Variants in CHSY3 observed in about 807,000 individuals in gnomAD.
The protein encoded by CHSY3 is chondroitin sulfate synthase 3.
CHSY3 carries 35 observed loss-of-function variants against 67.2 expected under a neutral mutation model. That is an observed-to-expected ratio of 0.52 (90% CI 0.40 to 0.69). The LOEUF is 0.69. Among genes scored for constraint, CHSY3 ranks in the 30% least tolerant of loss-of-function variants. CHSY3 has a pLI of 0.00. For missense variants in CHSY3, 1,069 were observed against 1,138.5 expected (o/e 0.94, Z 0.88); for synonymous variants, 474 against 434.7 (o/e 1.09, Z -1.12).
chr5:129,963,938 G>A lies in CHSY3; in HGVS notation c.1086+55578G>A, dbSNP rs568141717. Among the ~76,000 whole-genome samples the A allele has an allele frequency of 4.0e-4, 61 of 151,980 alleles. 2 individuals are homozygous for A. In the South Asian group the frequency reaches 0.013, roughly 32 times the overall value. On this transcript the variant is annotated intron_variant, in intron 2 of 2. Coordinates refer to ENST00000305031, the MANE Select transcript of CHSY3 (RefSeq NM_175856.5). ...TATGTATGTATATCTGTATGTGTGT[G>A]CACATGTCCTGTAATTCACTTGGGA...
At chr5:130,067,239 A>G (rs1165852482) in intron 2 of CHSY3, among the ~76,000 whole-genome samples, 1 of 152,112 alleles carries the variant, frequency 6.6e-6, no homozygotes, top group Non-Finnish European at 1.5e-5. Flanking sequence ...CCTTGTATGT[A>G]CTACAATCAT....
intron 2 of CHSY3, among the ~76,000 whole-genome samples, chr5:130,033,859 A>T (rs546858202): frequency 6.6e-6 from 1 of 152,318 alleles, no homozygotes; most frequent in South Asian, 2.1e-4. Flanking sequence ...AAATCAAGAG[A>T]GTAAATAAAA....
chr5:130,182,564 T>A (rs1196602293), intron 2 of CHSY3, among the ~76,000 whole-genome samples: 1 of 152,122 alleles, frequency 6.6e-6, no homozygotes, highest in Non-Finnish European at 1.5e-5. Context: ...AATCTTCACA[T>A]ACCCAAAAGT....
chr5:130,001,377 C>A, intron 2 of CHSY3: 1 of 894,378 alleles, frequency 1.1e-6, no homozygotes, highest in Non-Finnish European at 1.3e-6. Flanking sequence ...CTTCCTCCTA[C>A]TCTTCTTCTC....
At chr5:130,020,605 T>C (rs1764363130) in intron 2 of CHSY3, among the ~76,000 whole-genome samples, 1 of 128,758 alleles carries the variant, frequency 7.8e-6, no homozygotes, top group Non-Finnish European at 1.7e-5. Context: ...TTCAGGACCA[T>C]GTGTATCTGA....
chr5:129,929,398 G>A (rs1761225055), intron 2 of CHSY3, among the ~76,000 whole-genome samples: 1 of 152,150 alleles, frequency 6.6e-6, no homozygotes, highest in Non-Finnish European at 1.5e-5. Context: ...TAAAAATATA[G>A]GCTGTCAGTT....
chr5:129,941,667 A>G (rs1389420879), intron 2 of CHSY3, among the ~76,000 whole-genome samples: 3 of 152,174 alleles, frequency 2.0e-5, no homozygotes, highest in Non-Finnish European at 4.4e-5. Context: ...CTAATCTCAT[A>G]CTACCGCAAC....
chr5:130,123,088 C>T (rs79555016), intron 2 of CHSY3, among the ~76,000 whole-genome samples: 2 of 145,548 alleles, frequency 1.4e-5, no homozygotes, highest in African/African-American at 5.1e-5. Flanking sequence ...AAAAAAAAAA[C>T]GCAAGTTAAA....
At chr5:130,082,512 C>T (rs1465013876) in intron 2 of CHSY3, among the ~76,000 whole-genome samples, 1 of 152,002 alleles carries the variant, frequency 6.6e-6, no homozygotes, top group Non-Finnish European at 1.5e-5. Flanking sequence ...ACGATGTAAG[C>T]ACGGAATTAA....
rs536704217 is a variant in CHSY3 at position 130,095,122 on chromosome 5, G to A, written c.1087-89107G>A. ...TATGTATACATATACACACATAGAG[G>A]AATAGAAATAGACACAGAAATATAG... On this transcript the variant is annotated intron_variant, in intron 2 of 2. Transcript: ENST00000305031. Among the ~76,000 whole-genome samples the A allele has an allele frequency of 3.3e-5, 5 of 152,066 alleles. No individual in the cohort carries two copies. The East Asian group carries it at 9.7e-4, about 29-fold the overall frequency.
At chr5:129,933,883 T>C (rs1761404236) in intron 2 of CHSY3, among the ~76,000 whole-genome samples, 1 of 152,168 alleles carries the variant, frequency 6.6e-6, no homozygotes, top group South Asian at 2.1e-4. Flanking sequence ...GATAGTAATT[T>C]TGAAACTCTT....
Position 130,126,500 on chromosome 5 carries a change from G to T in CHSY3, c.1087-57729G>T, listed in dbSNP as rs143068968. ...TGTCTTTTTTTCTCTGCATTGATAA[G>T]ATTGGCTTGTAATTTTGTTATGGTA... On this transcript the variant is annotated intron_variant, in intron 2 of 2. Coordinates refer to ENST00000305031, the MANE Select transcript of CHSY3 (RefSeq NM_175856.5). Among the ~76,000 whole-genome samples, 305 of 152,144 alleles carry T rather than the reference G, an allele frequency of 2.0e-3. 1 individual carries two copies. Among genetic ancestry groups the T allele is most frequent in the African/African-American group, 6.8e-3 (281 of 41,482 alleles).
chr5:129,998,461 T>C (rs1158706520), intron 2 of CHSY3, among the ~76,000 whole-genome samples: 1 of 152,168 alleles, frequency 6.6e-6, no homozygotes, highest in African/African-American at 2.4e-5. Flanking sequence ...TGGTAAATAA[T>C]TTTTATACAT....
chr5:129,954,574 G>T (rs139451939), intron 2 of CHSY3, among the ~76,000 whole-genome samples: 1 of 151,824 alleles, frequency 6.6e-6, no homozygotes, highest in Non-Finnish European at 1.5e-5. Flanking sequence ...ACTTTGGTCC[G>T]TATGGCCATT....
Position 130,105,272 on chromosome 5 carries a change from G to C in CHSY3, c.1087-78957G>C, listed in dbSNP as rs532975078. ...ATTTAAGAACTTCAAAGTATTGTTT[G>C]ATTTTCAATATCTAATGTTTAAACA... is the stretch of plus-strand genomic sequence containing the variant. On this transcript the variant is annotated intron_variant, in intron 2 of 2. Transcript: ENST00000305031. Among the ~76,000 whole-genome samples, 457 of 151,684 alleles carry C rather than the reference G, an allele frequency of 3.0e-3. 2 individuals are homozygous for C. Among genetic ancestry groups the C allele is most frequent in the Middle Eastern group, 6.8e-3 (2 of 294 alleles).
chr5:129,947,550 G>A (rs1761894537), intron 2 of CHSY3, among the ~76,000 whole-genome samples: 1 of 151,688 alleles, frequency 6.6e-6, no homozygotes, highest in African/African-American at 2.4e-5. Context: ...TTGAACCTGA[G>A]AGGTGGAGGC....
chr5:130,021,551 A>G lies in CHSY3; in HGVS notation c.1086+113191A>G, dbSNP rs182433192. 1.1e-4 allele frequency among the ~76,000 whole-genome samples: 16 copies of G among 152,108 alleles called. No individual in the cohort carries two copies. In the East Asian group the frequency reaches 3.1e-3, roughly 29 times the overall value. ...TTTAACCAGTAAAGAATGTTCACAC[A>G]ACCTGTTTTTCTTTTTTTTCCCCCG... On this transcript the variant is annotated intron_variant, in intron 2 of 2. Transcript: ENST00000305031.
chr5:129,938,638 A>G (rs1411525486), intron 2 of CHSY3, among the ~76,000 whole-genome samples: 1 of 152,188 alleles, frequency 6.6e-6, no homozygotes, highest in Non-Finnish European at 1.5e-5. Flanking sequence ...TCAAAGTTCC[A>G]CAGCTATCTA....
intron 2 of CHSY3, among the ~76,000 whole-genome samples, chr5:130,109,828 T>C (rs560899391): frequency 2.0e-5 from 3 of 151,962 alleles, no homozygotes; most frequent in Admixed American, 2.0e-4. Flanking sequence ...GTAGGTTTTA[T>C]ACATCATCTC....
Sources: gnomAD v4.1 joint callset for allele counts (sites outside exome capture counted in the v4.1 genomes callset) on GRCh38, gnomAD v4.1.1 for gene constraint, MANE v1.5 for transcripts, NCBI Gene and HGNC (gene_info 2026-07-23, HGNC 2026-07-21) for gene names.